Variants in ALCAM observed in about 807,000 individuals in gnomAD.
The protein encoded by ALCAM is activated leukocyte cell adhesion molecule, also known as CD166 antigen.
In ALCAM, 30 loss-of-function variants were observed where a neutral mutation model predicts 70.9. The observed-to-expected ratio is 0.42, with a 90% CI of 0.32 to 0.57. ALCAM has a LOEUF of 0.57. Among genes scored for constraint, ALCAM ranks in the 20% least tolerant of loss-of-function variants. The pLI is 0.11. For synonymous variants in ALCAM, 249 were observed against 242.5 expected (o/e 1.03, Z -0.25); for missense variants, 591 against 695.1 (o/e 0.85, Z 1.68).
intron 1 of ALCAM, among the ~76,000 whole-genome samples, chr3:105,415,818 A>C (rs1044313546): frequency 6.6e-6 from 1 of 152,000 alleles, no homozygotes; most frequent in Non-Finnish European, 1.5e-5. Context: ...AAGATAATTT[A>C]TTTTCTAGGC....
intron 1 of ALCAM, among the ~76,000 whole-genome samples, chr3:105,504,018 C>T (rs927238300): frequency 6.6e-6 from 1 of 152,306 alleles, no homozygotes; most frequent in Admixed American, 6.5e-5. Context: ...GACATAATAA[C>T]TTTCAGCACT....
intron 1 of ALCAM, among the ~76,000 whole-genome samples, chr3:105,388,637 G>C (rs1476134370): frequency 6.6e-6 from 1 of 151,480 alleles, no homozygotes; most frequent in Non-Finnish European, 1.5e-5. Context: ...AATTCTTTAT[G>C]ATTTTTTATT....
chr3:105,474,654 TTC>T (rs1938047650), intron 1 of ALCAM, among the ~76,000 whole-genome samples: 1 of 151,744 alleles, frequency 6.6e-6, no homozygotes, highest in African/African-American at 2.4e-5. Flanking sequence ...TCATTTTACA[TTC>T]AAGGGCAATC....
intron 1 of ALCAM, among the ~76,000 whole-genome samples, chr3:105,488,550 C>T (rs1432040209): frequency 6.6e-6 from 1 of 151,644 alleles, no homozygotes; most frequent in Admixed American, 6.6e-5. Flanking sequence ...TATTAAACAG[C>T]TTTTACACTA....
In ALCAM at chr3:105,398,901, T is replaced by A. The variant is rs545356138; in HGVS notation, c.73+31420T>A. Among the ~76,000 whole-genome samples the A allele has an allele frequency of 2.0e-5, 3 of 152,208 alleles. No homozygotes were observed. The South Asian group carries it at 6.2e-4, about 32-fold the overall frequency. On this transcript the variant is annotated intron_variant, in intron 1 of 15. Coordinates refer to ENST00000306107, the MANE Select transcript of ALCAM (RefSeq NM_001627.4). ...ACCCTTCTAGGACTCATAAGCTTTT[T>A]TTTTTCCTTTTCTTCCTTTTCTTTG...
At chr3:105,572,211 T>A (rs538840546) in intron 15 of ALCAM, among the ~76,000 whole-genome samples, 3 of 152,272 alleles carry the variant, frequency 2.0e-5, no homozygotes, top group Non-Finnish European at 2.9e-5. Context: ...ATTAGGTATT[T>A]CTCCTAATGC....
At position 105,524,470 on chromosome 3, in the gene ALCAM, ACAACGTGTTTGAGG is replaced by A; in HGVS notation, c.359_372del (p.Asn120ThrfsTer12). ...TTTGTGTGCATGCTAGTAACTGAGG[ACAACGTGTTTGAGG>A]CACCTACAATAGTCAAGGTGTTCAG... On this transcript the variant is annotated frameshift_variant, in exon 3 of 16. Coordinates refer to ENST00000306107, the MANE Select transcript of ALCAM (RefSeq NM_001627.4). LOFTEE classifies it high-confidence loss of function. The A allele has an allele frequency of 6.2e-7, 1 of 1,614,140 alleles. No individual in the cohort carries two copies. The highest frequency in any genetic ancestry group is 8.5e-7 in the Non-Finnish European group (1 of 1,179,984).
intron 1 of ALCAM, among the ~76,000 whole-genome samples, chr3:105,479,142 A>T (rs991023780): frequency 6.6e-6 from 1 of 152,206 alleles, no homozygotes; most frequent in Non-Finnish European, 1.5e-5. Context: ...AATAAAATTC[A>T]TATTCTATCT....
intron 1 of ALCAM, among the ~76,000 whole-genome samples, chr3:105,439,073 A>G (rs1370383855): frequency 6.6e-6 from 1 of 152,218 alleles, no homozygotes; most frequent in East Asian, 1.9e-4. Flanking sequence ...GGGGCCTTAG[A>G]CAGTGAGTAA....
chr3:105,389,441 G>C (rs1010843970), intron 1 of ALCAM, among the ~76,000 whole-genome samples: 3 of 126,648 alleles, frequency 2.4e-5, no homozygotes, highest in Admixed American at 9.5e-5. Context: ...TTCTCTGAAA[G>C]GGAGGCCTGC....
chr3:105,448,565 G>A (rs1258397745), intron 1 of ALCAM, among the ~76,000 whole-genome samples: 1 of 152,178 alleles, frequency 6.6e-6, no homozygotes, highest in Admixed American at 6.5e-5. Flanking sequence ...TGTGGCAGTA[G>A]AAGTATTAAC....
intron 1 of ALCAM, among the ~76,000 whole-genome samples, chr3:105,486,379 T>C (rs1280259605): frequency 1.3e-5 from 2 of 152,156 alleles, no homozygotes; most frequent in African/African-American, 4.8e-5. Flanking sequence ...ATTGCTGCTC[T>C]CTGAATAAGA....
intron 1 of ALCAM, among the ~76,000 whole-genome samples, chr3:105,508,825 T>TTG (rs10625952): frequency 0.96 from 146,122 of 152,066 alleles, 70,456 homozygotes; most frequent in East Asian, 1. Context: ...ACATTTCTAG[T>TTG]TGTGTCCTAT....
At chr3:105,404,877 T>C (rs1463568396) in intron 1 of ALCAM, among the ~76,000 whole-genome samples, 1 of 152,048 alleles carries the variant, frequency 6.6e-6, no homozygotes, top group African/African-American at 2.4e-5. Flanking sequence ...CATAAACTTA[T>C]GATAAAGGTG....
At chr3:105,524,919 T>A (rs1473547251) in intron 3 of ALCAM, 2 of 986,446 alleles carry the variant, frequency 2.0e-6, no homozygotes, top group Admixed American at 6.1e-5. Context: ...CAAATGAAAT[T>A]GCCATTTTGC....
At chr3:105,490,785 C>T (rs1008213254) in intron 1 of ALCAM, among the ~76,000 whole-genome samples, 2 of 152,178 alleles carry the variant, frequency 1.3e-5, no homozygotes, top group Non-Finnish European at 2.9e-5. Flanking sequence ...TCCCCTGTGG[C>T]TTTGCAGGGT....
At chr3:105,371,279 T>C (rs1464712034) in intron 1 of ALCAM, among the ~76,000 whole-genome samples, 1 of 152,188 alleles carries the variant, frequency 6.6e-6, no homozygotes, top group Non-Finnish European at 1.5e-5. Context: ...TGTTGTGACC[T>C]TGGGAAAATT....
chr3:105,447,197 A>G (rs1346666794), intron 1 of ALCAM, among the ~76,000 whole-genome samples: 3 of 152,192 alleles, frequency 2.0e-5, no homozygotes, highest in African/African-American at 4.8e-5. Context: ...AAGGTTTCTG[A>G]AAATGCAAAG....
At chr3:105,401,888 G>T (rs1936098317) in intron 1 of ALCAM, among the ~76,000 whole-genome samples, 1 of 151,362 alleles carries the variant, frequency 6.6e-6, no homozygotes, top group Non-Finnish European at 1.5e-5. Context: ...CACAGACAAT[G>T]AAATAAGAAT....
Sources: allele counts gnomAD v4.1 joint callset (sites outside exome capture counted in the v4.1 genomes callset), GRCh38; gene constraint gnomAD v4.1.1; transcripts MANE v1.5; gene names NCBI Gene and HGNC (gene_info 2026-07-23, HGNC 2026-07-21).